The following PSEN2 variants were observed in gnomAD, a reference collection of about 807,000 sequenced individuals.
PSEN2 encodes presenilin-2.
Under a neutral mutation model 49.1 loss-of-function variants are expected in PSEN2, and 32 were observed. That is an observed-to-expected ratio of 0.65 (90% CI 0.49 to 0.88). The LOEUF is 0.88. PSEN2 is among the 40% of genes least tolerant of loss of function. The pLI, the probability that PSEN2 is intolerant of heterozygous loss-of-function variation, is 0.00. For synonymous variants in PSEN2, 255 were observed against 244.0 expected (o/e 1.05, Z -0.42); for missense variants, 522 against 586.9 (o/e 0.89, Z 1.14).
At chr1:226,883,555 T>C (rs374399405) in intron 4 of PSEN2, 150 bp from the exon 5 acceptor site, 29 of 752,196 alleles carry the variant, frequency 3.9e-5, no homozygotes, top group East Asian at 2.4e-4. Context: ...CCTCACAAAC[T>C]TTTCATATGC....
At chr1:226,879,204 T>C (rs1402388627) in intron 3 of PSEN2, among the ~76,000 whole-genome samples, 2 of 152,122 alleles carry the variant, frequency 1.3e-5, no homozygotes, top group Non-Finnish European at 2.9e-5. Flanking sequence ...CCTGATAATT[T>C]CTCTCATTTC....
chr1:226,893,869 C>T (rs1661921646), intron 11 of PSEN2, 138 bp from the exon 12 acceptor site: 2 of 759,912 alleles, frequency 2.6e-6, no homozygotes, highest in African/African-American at 1.7e-5. Flanking sequence ...TGTCCCCAGT[C>T]CACATCTTAG....
intron 11 of PSEN2, among the ~76,000 whole-genome samples, chr1:226,893,575 G>A (rs918602635): frequency 2.0e-5 from 3 of 152,178 alleles, no homozygotes; most frequent in African/African-American, 7.2e-5. Flanking sequence ...AAGGTGAAAG[G>A]TTCTTCAGAG....
intron 3 of PSEN2, chr1:226,880,838 C>T: frequency 6.5e-7 from 1 of 1,533,858 alleles, no homozygotes; most frequent in Non-Finnish European, 8.9e-7. Context: ...GTCCCGCCCT[C>T]AGTGGCACTT....
intron 5 of PSEN2, 63 bp downstream of exon 5, chr1:226,883,982 C>A: frequency 1.6e-6 from 2 of 1,286,548 alleles, no homozygotes; most frequent in Admixed American, 2.0e-5. Flanking sequence ...GGGTGGGGGG[C>A]GCAGCAGCCT....
At chr1:226,874,543 T>C (rs1252723827) in intron 2 of PSEN2, among the ~76,000 whole-genome samples, 1 of 152,196 alleles carries the variant, frequency 6.6e-6, no homozygotes, top group African/African-American at 2.4e-5. Flanking sequence ...CTCTGGGGCC[T>C]GGCCTTTGAA....
intron 5 of PSEN2, among the ~76,000 whole-genome samples, chr1:226,884,228 A>C (rs1222008876): frequency 6.6e-6 from 1 of 152,186 alleles, no homozygotes; most frequent in East Asian, 1.9e-4. Flanking sequence ...ACTGCACGTG[A>C]GTGCTCAGGC....
intron 12 of PSEN2, 106 bp downstream of exon 12, chr1:226,894,231 C>T (rs1661963418): frequency 1.3e-6 from 1 of 793,524 alleles, no homozygotes; most frequent in Non-Finnish European, 2.1e-6. Context: ...CATTTCTTCT[C>T]TTCCCTCTGA....
chr1:226,874,260 C>G (rs1334018244), intron 2 of PSEN2, among the ~76,000 whole-genome samples: 1 of 152,192 alleles, frequency 6.6e-6, no homozygotes, highest in African/African-American at 2.4e-5. Flanking sequence ...GTGACCCTCA[C>G]AAGTGCTGAC....
downstream of PSEN2, chr1:226,899,334 T>C (rs1662241039): frequency 6.6e-6 from 1 of 152,244 alleles, no homozygotes; most frequent in Non-Finnish European, 1.5e-5. Context: ...CACTGTTTAC[T>C]GAACAGTCTC....
chr1:226,880,647 T>C (rs1558142196), intron 3 of PSEN2: 6 of 1,592,060 alleles, frequency 3.8e-6, no homozygotes, highest in Non-Finnish European at 5.1e-6. Context: ...CCGTCTGAGA[T>C]GTTGGCAGGG....
At chr1:226,885,937 A>C (rs953166572) in intron 6 of PSEN2, among the ~76,000 whole-genome samples, 1 of 147,150 alleles carries the variant, frequency 6.8e-6, no homozygotes, top group African/African-American at 2.6e-5. Context: ...TGGTGCGATC[A>C]TGACTCACTG....
intron 2 of PSEN2, among the ~76,000 whole-genome samples, chr1:226,874,766 A>G (rs1660527487): frequency 2.0e-5 from 3 of 152,182 alleles, no homozygotes; most frequent in Admixed American, 1.3e-4. Flanking sequence ...TTTTTACAGC[A>G]GAGGAAATGA....
intron 3 of PSEN2, 65 bp downstream of exon 3, chr1:226,875,615 G>C (rs1660580794): frequency 6.6e-6 from 1 of 152,214 alleles, no homozygotes; most frequent in Admixed American, 6.5e-5. Context: ...TCTCCGTGGA[G>C]GCAGATTTCC....
chr1:226,885,577 C>T lies in PSEN2; in HGVS notation c.396C>T (p.Gly132=), dbSNP rs2102677096. 1 of 1,613,942 alleles carries T rather than the reference C, an allele frequency of 6.2e-7. No homozygotes were observed. Among genetic ancestry groups the T allele is most frequent in the Non-Finnish European group, 8.5e-7 (1 of 1,180,012 alleles). ...TPFTEDTPSV[G]QRLLNSVLNT... is the part of the protein sequence containing the mutation. ...TCACTGAGGACACACCCTCGGTGGG[C>T]CAGCGCCTCCTCAACTCCGTGCTGA... is the stretch of plus-strand genomic sequence containing the variant. Residue 132 remains glycine (G), a synonymous_variant, in exon 6 of 13, where the codon GGC becomes GGT. Coordinates refer to ENST00000366783, the MANE Select transcript of PSEN2 (RefSeq NM_000447.3).
chr1:226,895,423 G>A lies in PSEN2; in HGVS notation c.1192-1G>A. Reference sequence around the variant, plus strand: ...CTCACCCTCCCCTCCATGTCCTGCAGGGCTTGTGTCTGACCCTCCTGCTGC... The same window carrying A: ...CTCACCCTCCCCTCCATGTCCTGCAAGGCTTGTGTCTGACCCTCCTGCTGC... On this transcript the variant is annotated splice_acceptor_variant, in intron 12 of 12. Transcript: ENST00000366783. LOFTEE classifies it high-confidence loss of function. 1.2e-6 allele frequency: 2 copies of A among 1,614,078 alleles called. No individual in the cohort carries two copies. Among genetic ancestry groups the A allele is most frequent in the South Asian group, 2.2e-5 (2 of 91,064 alleles).
intron 4 of PSEN2, among the ~76,000 whole-genome samples, chr1:226,882,648 T>C (rs1041799309): frequency 2.0e-5 from 3 of 152,212 alleles, no homozygotes; most frequent in African/African-American, 7.2e-5. Context: ...CATTATAGAA[T>C]TAAAAAATGT....
In PSEN2 at chr1:226,895,459, C is replaced by G. The variant is rs1466370452; in HGVS notation, c.1227C>G (p.Phe409Leu). The part of the protein sequence containing the change: ...LCLTLLLLAV[F>L]KKALPALPIS... ...TGACCCTCCTGCTGCTTGCTGTGTT[C>G]AAGAAGGCGCTGCCCGCCCTCCCCA... Residue 409 changes from phenylalanine (F) to leucine (L), a missense_variant, in exon 13 of 13, where the codon TTC becomes TTG. Transcript: ENST00000366783. 4 of 1,613,932 alleles carry G rather than the reference C, an allele frequency of 2.5e-6. No homozygotes were observed. The African/African-American group carries it at 4.0e-5, about 16-fold the overall frequency.
intron 11 of PSEN2, among the ~76,000 whole-genome samples, chr1:226,893,239 T>A (rs1329299431): frequency 1.3e-5 from 2 of 152,146 alleles, no homozygotes; most frequent in Non-Finnish European, 2.9e-5. Context: ...CCAAAATTAG[T>A]TTTATTATAA....
Sources: allele counts gnomAD v4.1 joint callset (sites outside exome capture counted in the v4.1 genomes callset), GRCh38; gene constraint gnomAD v4.1.1; transcripts MANE v1.5; gene names NCBI Gene and HGNC (gene_info 2026-07-23, HGNC 2026-07-21).